The following CDH18 variants were observed in gnomAD, a reference collection of about 807,000 sequenced individuals.
CDH18 encodes the protein cadherin-18.
CDH18 carries 31 observed loss-of-function variants against 67.9 expected under a neutral mutation model. That is an observed-to-expected ratio of 0.46 (90% CI 0.34 to 0.62). CDH18 has a LOEUF of 0.62. Ranked by LOEUF, CDH18 falls within the 20% of genes least tolerant of loss-of-function variation. CDH18 has a pLI of 0.01. For synonymous variants in CDH18, 362 were observed against 347.2 expected (o/e 1.04, Z -0.48); for missense variants, 890 against 975.5 (o/e 0.91, Z 1.17).
chr5:19,656,215 T>A (rs1342911459), intron 5 of CDH18, among the ~76,000 whole-genome samples: 1 of 152,054 alleles, frequency 6.6e-6, no homozygotes, highest in African/African-American at 2.4e-5. Flanking sequence ...GTATTTTAAC[T>A]GGAATGACTG....
intron 10 of CDH18, among the ~76,000 whole-genome samples, chr5:19,511,065 G>C (rs1352588538): frequency 1.3e-5 from 2 of 152,064 alleles, no homozygotes; most frequent in African/African-American, 4.8e-5. Flanking sequence ...GCCTGCCTTA[G>C]CCTCCCAAAG....
intron 1 of CDH18, among the ~76,000 whole-genome samples, chr5:20,387,793 T>C (rs970264100): frequency 2.6e-5 from 4 of 152,192 alleles, no homozygotes; most frequent in Admixed American, 1.3e-4. Context: ...TTGAATTTTG[T>C]CAAAGACCTT....
At chr5:20,018,161 G>T (rs1264701228) in intron 2 of CDH18, among the ~76,000 whole-genome samples, 1 of 152,124 alleles carries the variant, frequency 6.6e-6, no homozygotes, top group Non-Finnish European at 1.5e-5. Context: ...GCACTGTGAG[G>T]TTAAGTATTT....
chr5:19,715,223 A>C (rs181024078), intron 5 of CDH18, among the ~76,000 whole-genome samples: 16 of 152,296 alleles, frequency 1.1e-4, no homozygotes, highest in African/African-American at 3.8e-4. Flanking sequence ...TTGGGGAGGT[A>C]ATAGAGAACC....
At chr5:20,552,767 T>G (rs1002328511) in intron 1 of CDH18, among the ~76,000 whole-genome samples, 3 of 152,174 alleles carry the variant, frequency 2.0e-5, no homozygotes, top group African/African-American at 7.2e-5. Context: ...AGATTTTTTT[T>G]TTTTCAAACA....
At chr5:19,703,474 G>A (rs1224922495) in intron 5 of CDH18, among the ~76,000 whole-genome samples, 10 of 152,078 alleles carry the variant, frequency 6.6e-5, no homozygotes, top group Non-Finnish European at 1.2e-4. Flanking sequence ...AAGCTAAAGC[G>A]GCAAAGGAGG....
At chr5:20,545,356 G>T (rs1581179399) in intron 1 of CDH18, among the ~76,000 whole-genome samples, 3 of 152,334 alleles carry the variant, frequency 2.0e-5, no homozygotes, top group Admixed American at 2.0e-4. Flanking sequence ...CTCTGTGTGG[G>T]TGCTCCAAAC....
rs557901478 is a variant in CDH18, at chr5:19,501,880, C to G, written c.1630+1112G>C. ...TAAGTATATTTGAATTATAAGACAG[C>G]CTGTTCTAATGTAAGTAAATGTACA... On this transcript the variant is annotated intron_variant, in intron 11 of 12. Coordinates refer to ENST00000382275, the MANE Select transcript of CDH18 (RefSeq NM_004934.5). Among the ~76,000 whole-genome samples, 10 of 152,208 alleles carry G rather than the reference C, an allele frequency of 6.6e-5. No individual in the cohort carries two copies. In the East Asian group the frequency reaches 1.9e-3, roughly 29 times the overall value.
At chr5:19,668,411 T>C (rs1261054663) in intron 5 of CDH18, among the ~76,000 whole-genome samples, 1 of 151,986 alleles carries the variant, frequency 6.6e-6, no homozygotes, top group Non-Finnish European at 1.5e-5. Context: ...ATAATAAACA[T>C]CCGCTTATAT....
At chr5:20,331,633 G>A (rs1353389722) in intron 1 of CDH18, among the ~76,000 whole-genome samples, 2 of 152,096 alleles carry the variant, frequency 1.3e-5, no homozygotes, top group East Asian at 3.9e-4. Flanking sequence ...TAGACAACCA[G>A]GAATGTTCAA....
intron 3 of CDH18, among the ~76,000 whole-genome samples, chr5:19,778,986 A>T (rs949269458): frequency 1.3e-5 from 2 of 152,178 alleles, no homozygotes; most frequent in African/African-American, 4.8e-5. Context: ...TTCACAAATG[A>T]TGTCTCTGCA....
intron 2 of CDH18, among the ~76,000 whole-genome samples, chr5:19,948,616 T>C (rs1289798482): frequency 1.3e-5 from 2 of 152,208 alleles, no homozygotes; most frequent in East Asian, 1.9e-4. Context: ...GCTACATGGA[T>C]GACAAAGTTG....
chr5:20,400,137 T>C (rs562415554), intron 1 of CDH18, among the ~76,000 whole-genome samples: 1 of 152,306 alleles, frequency 6.6e-6, no homozygotes, highest in East Asian at 1.9e-4. Context: ...TCTACATGTT[T>C]GTATAGATCA....
intron 2 of CDH18, among the ~76,000 whole-genome samples, chr5:20,067,657 C>T (rs1743098824): frequency 6.6e-6 from 1 of 151,964 alleles, no homozygotes; most frequent in African/African-American, 2.4e-5. Context: ...GCTACCAGGC[C>T]ATTAGTTGAT....
At chr5:20,297,558 G>C (rs1580694445) in intron 1 of CDH18, among the ~76,000 whole-genome samples, 1 of 152,190 alleles carries the variant, frequency 6.6e-6, no homozygotes, top group African/African-American at 2.4e-5. Flanking sequence ...AAGGCAAGTT[G>C]TGGAGCAGAA....
intron 2 of CDH18, among the ~76,000 whole-genome samples, chr5:19,872,362 G>A (rs576229079): frequency 6.6e-6 from 1 of 152,228 alleles, no homozygotes; most frequent in African/African-American, 2.4e-5. Flanking sequence ...GATGGAAAAG[G>A]TTTATTTATA....
intron 1 of CDH18, among the ~76,000 whole-genome samples, chr5:20,261,604 G>A (rs977631530): frequency 2.6e-5 from 4 of 152,108 alleles, no homozygotes; most frequent in Non-Finnish European, 4.4e-5. Context: ...AGCCAGGCGT[G>A]GTGGCGGGTG....
chr5:19,855,235 ATGATTTAAAATGAATCACC>A (rs1312015314), intron 2 of CDH18, among the ~76,000 whole-genome samples: 1 of 152,030 alleles, frequency 6.6e-6, no homozygotes, highest in Non-Finnish European at 1.5e-5. Context: ...TTATAAGAAG[ATGATTTAAAATGAATCACC>A]TTTCGGGTAC....
At chr5:19,570,386 G>C (rs1741188602) in intron 8 of CDH18, among the ~76,000 whole-genome samples, 1 of 152,074 alleles carries the variant, frequency 6.6e-6, no homozygotes, top group South Asian at 2.1e-4. Flanking sequence ...CTTGCAGATG[G>C]AGTAGGATTG....
Sources: gnomAD v4.1 joint callset for allele counts (sites outside exome capture counted in the v4.1 genomes callset) on GRCh38, gnomAD v4.1.1 for gene constraint, MANE v1.5 for transcripts, NCBI Gene and HGNC (gene_info 2026-07-23, HGNC 2026-07-21) for gene names.